The following CNTN1 variants were observed in gnomAD, a reference collection of about 807,000 sequenced individuals.
The protein encoded by CNTN1 is contactin-1.
In CNTN1, 38 loss-of-function variants were observed where a neutral mutation model predicts 126.4. The ratio of observed to expected loss-of-function variants is 0.30; its 90% confidence interval spans 0.23 to 0.39. CNTN1 has a LOEUF of 0.39. Among genes scored for constraint, CNTN1 ranks in the 10% least tolerant of loss-of-function variants. CNTN1 has a pLI of 1.00. For synonymous variants in CNTN1, 413 were observed against 422.6 expected (o/e 0.98, Z 0.28); for missense variants, 1,009 against 1,248.4 (o/e 0.81, Z 2.89).
chr12:40,735,638 T>C (rs1049890433), intron 1 of CNTN1, among the ~76,000 whole-genome samples: 3 of 152,078 alleles, frequency 2.0e-5, no homozygotes, highest in African/African-American at 4.8e-5. Flanking sequence ...ATGTAAACCA[T>C]GTTTTTGACA....
chr12:40,936,999 A>C, intron 10 of CNTN1, 94 bp downstream of exon 10: 2 of 1,497,506 alleles, frequency 1.3e-6, no homozygotes, highest in South Asian at 2.3e-5. Flanking sequence ...GAGACAATAC[A>C]GAAAGGGCAC....
intron 15 of CNTN1, among the ~76,000 whole-genome samples, chr12:40,961,513 A>T (rs1209726294): frequency 6.6e-6 from 1 of 152,018 alleles, no homozygotes; most frequent in Non-Finnish European, 1.5e-5. Context: ...TCATTTAATT[A>T]TACTTTTGTA....
intron 1 of CNTN1, among the ~76,000 whole-genome samples, chr12:40,783,200 A>C (rs1486708499): frequency 2.7e-5 from 4 of 149,016 alleles, no homozygotes; most frequent in African/African-American, 9.7e-5. Context: ...AGCTCCATTA[A>C]ATATATTTAT....
At chr12:40,719,204 T>A (rs1178539882) in intron 1 of CNTN1, among the ~76,000 whole-genome samples, 1 of 152,204 alleles carries the variant, frequency 6.6e-6, no homozygotes, top group Non-Finnish European at 1.5e-5. Context: ...AAGGAAATAA[T>A]GCAATTTATG....
intron 23 of CNTN1, among the ~76,000 whole-genome samples, chr12:41,057,122 T>C (rs1452518660): frequency 7.0e-6 from 1 of 142,404 alleles, no homozygotes; most frequent in African/African-American, 2.6e-5. Flanking sequence ...ATATTATATT[T>C]AGATATTTAT....
chr12:41,063,101 G>GA (rs1212568948), intron 23 of CNTN1, among the ~76,000 whole-genome samples: 3 of 152,210 alleles, frequency 2.0e-5, no homozygotes, highest in African/African-American at 4.8e-5. Flanking sequence ...AAAAAATGCT[G>GA]AAAAATTCGA....
Position 40,951,714 on chromosome 12 carries a change from T to TAAAAAAAAAAAAAAAAA in CNTN1, c.1684-7400_1684-7399insAAAAAAAAAAAAAAAAA, listed in dbSNP as rs1294780787. Reference sequence around the variant, plus strand: ...AAAGAGTGAGACTTTGTCTCAAAATTTAAAAAAAAAAAAAAAAAAAAAAAA... The same window carrying TAAAAAAAAAAAAAAAAA: ...AAAGAGTGAGACTTTGTCTCAAAATTAAAAAAAAAAAAAAAAATAAAAAAAAAAAAAAAAAAAAAAAA... On this transcript the variant is annotated intron_variant, in intron 14 of 23. Coordinates refer to ENST00000551295, the MANE Select transcript of CNTN1 (RefSeq NM_001843.4). Among the ~76,000 whole-genome samples the TAAAAAAAAAAAAAAAAA allele has an allele frequency of 6.3e-5, 5 of 79,638 alleles. 1 individual carries two copies. Among genetic ancestry groups the TAAAAAAAAAAAAAAAAA allele is most frequent in the Non-Finnish European group, 8.7e-5 (4 of 45,722 alleles). 52.2% of individuals were successfully genotyped at this position (79,638 alleles called of 152,430 possible). A position where few individuals can be genotyped will look rare whatever the true frequency, so the allele number is the denominator to read the frequency against.
chr12:40,819,824 C>T (rs116974182), intron 1 of CNTN1, among the ~76,000 whole-genome samples: 1 of 152,160 alleles, frequency 6.6e-6, no homozygotes, highest in Non-Finnish European at 1.5e-5. Flanking sequence ...TCTTCCGATC[C>T]GTGGGTTGCA....
chr12:40,704,467 C>A (rs1344913127), intron 1 of CNTN1, among the ~76,000 whole-genome samples: 1 of 152,054 alleles, frequency 6.6e-6, no homozygotes, highest in Non-Finnish European at 1.5e-5. Flanking sequence ...AACATAGAGT[C>A]ATATTTTTTC....
intron 23 of CNTN1, among the ~76,000 whole-genome samples, chr12:41,036,505 T>C (rs1223098775): frequency 6.6e-6 from 1 of 152,118 alleles, no homozygotes; most frequent in African/African-American, 2.4e-5. Flanking sequence ...TCTAAATCAG[T>C]TTCATGGTAT....
At chr12:40,953,254 G>C (rs1235732955) in intron 14 of CNTN1, among the ~76,000 whole-genome samples, 7 of 152,136 alleles carry the variant, frequency 4.6e-5, no homozygotes, top group Admixed American at 4.6e-4. Flanking sequence ...TCCAGTATGT[G>C]ATTCAACTCT....
chr12:41,017,048 T>A, intron 19 of CNTN1, 132 bp downstream of exon 19: 1 of 739,694 alleles, frequency 1.4e-6, no homozygotes, highest in Non-Finnish European at 2.4e-6. Context: ...AGTAAATGAG[T>A]ACTATTTTGA....
chr12:40,708,367 A>G (rs1215545739), intron 1 of CNTN1, among the ~76,000 whole-genome samples: 1 of 152,238 alleles, frequency 6.6e-6, no homozygotes, highest in Non-Finnish European at 1.5e-5. Flanking sequence ...GTGCAATAGC[A>G]TTATGTCTAA....
intron 1 of CNTN1, among the ~76,000 whole-genome samples, chr12:40,788,461 C>A (rs1212691722): frequency 6.6e-6 from 1 of 152,052 alleles, no homozygotes; most frequent in Non-Finnish European, 1.5e-5. Context: ...CAGTTCTGAG[C>A]CTGGCCATGC....
At chr12:40,833,626 G>A (rs940522258) in intron 1 of CNTN1, among the ~76,000 whole-genome samples, 2 of 151,724 alleles carry the variant, frequency 1.3e-5, no homozygotes, top group African/African-American at 2.4e-5. Flanking sequence ...TTGAATTTAA[G>A]GATCAATTCT....
chr12:40,952,826 G>T (rs543532059), intron 14 of CNTN1, among the ~76,000 whole-genome samples: 1 of 152,040 alleles, frequency 6.6e-6, no homozygotes, highest in South Asian at 2.1e-4. Flanking sequence ...AAGAAGAAAC[G>T]TTTTATTATT....
chr12:40,794,771 G>T (rs148795097), intron 1 of CNTN1, among the ~76,000 whole-genome samples: 1 of 152,042 alleles, frequency 6.6e-6, no homozygotes, highest in African/African-American at 2.4e-5. Context: ...ATTGGGAAAG[G>T]CTTCTCAAAC....
At chr12:40,798,485 G>A (rs1311821932) in intron 1 of CNTN1, among the ~76,000 whole-genome samples, 1 of 151,898 alleles carries the variant, frequency 6.6e-6, no homozygotes, top group Non-Finnish European at 1.5e-5. Context: ...GTGGATGATA[G>A]CCAAGGGTGT....
In CNTN1 at chr12:40,937,575, T is replaced by A. The variant is rs775391705; in HGVS notation, c.1116T>A (p.His372Gln). ...TTCAATTTTATTCTTTTCAGTATCATAAAGGGGAATTAAGACTGTATGATG... is the reference window on the plus strand; with the variant it reads ...TTCAATTTTATTCTTTTCAGTATCAAAAAGGGGAATTAAGACTGTATGATG... ...IRWLKNGYAY[H>Q]KGELRLYDVT... Residue 372 changes from histidine (H) to glutamine (Q), a missense_variant, in exon 11 of 24, where the codon CAT (histidine) becomes CAA (glutamine). Coordinates refer to ENST00000551295, the MANE Select transcript of CNTN1 (RefSeq NM_001843.4). 1.3e-6 allele frequency: 2 copies of A among 1,580,758 alleles called. No individual in the cohort carries two copies. The highest frequency in any genetic ancestry group is 1.1e-5 in the South Asian group (1 of 90,492).
Sources: allele counts gnomAD v4.1 joint callset (sites outside exome capture counted in the v4.1 genomes callset), GRCh38; gene constraint gnomAD v4.1.1; transcripts MANE v1.5; gene names NCBI Gene and HGNC (gene_info 2026-07-23, HGNC 2026-07-21).